The following BDP1 variants were observed in gnomAD, a reference collection of about 807,000 sequenced individuals.
BDP1 encodes the protein BDP1 general transcription factor IIIB subunit, also known as transcription factor TFIIIB component B'' homolog.
In BDP1, 169 loss-of-function variants were observed where a neutral mutation model predicts 266.6. The ratio of observed to expected loss-of-function variants is 0.63; its 90% CI spans 0.56 to 0.72. The LOEUF (loss-of-function observed/expected upper bound fraction) is 0.72, where lower values mean the gene tolerates loss of function less well. Ranked by LOEUF, BDP1 falls within the 30% of genes least tolerant of loss-of-function variation. The pLI is 0.00. For missense variants in BDP1, 3,015 were observed against 3,053.8 expected (o/e 0.99, Z 0.30); for synonymous variants, 1,090 against 1,022.4 (o/e 1.07, Z -1.26).
chr5:71,559,024 C>T (rs1743436319), intron 36 of BDP1, among the ~76,000 whole-genome samples: 1 of 150,006 alleles, frequency 6.7e-6, no homozygotes, highest in Non-Finnish European at 1.5e-5. Context: ...TGTGGTGGTG[C>T]ATGCCTGTAA....
intron 25 of BDP1, among the ~76,000 whole-genome samples, chr5:71,526,033 G>A (rs1231982390): frequency 1.3e-5 from 2 of 152,120 alleles, no homozygotes; most frequent in African/African-American, 4.8e-5. Context: ...TTCCCAGACG[G>A]GGTGGCGGCC....
intron 9 of BDP1, among the ~76,000 whole-genome samples, chr5:71,487,592 A>G (rs1226636414): frequency 6.6e-6 from 1 of 152,122 alleles, no homozygotes. Context: ...ATCGTAAGAC[A>G]CTTTTTCCTA....
Position 71,516,265 on chromosome 5 carries a change from A to C in BDP1, c.4854A>C (p.Leu1618Phe), listed in dbSNP as rs1182945833. 2 of 1,610,054 alleles carry C rather than the reference A, an allele frequency of 1.2e-6. No homozygotes were observed. Among genetic ancestry groups the C allele is most frequent in the South Asian group, 2.2e-5 (2 of 90,438 alleles). Reference protein sequence around the residue: ...LPKDETEKKVLTVSNSQIETE... With the variant: ...LPKDETEKKVFTVSNSQIETE... ...AAGATGAAACTGAAAAGAAAGTCTT[A>C]ACTGTGGTGAGTTATTGTTATGTAA... is the stretch of plus-strand genomic sequence containing the variant. The change falls in exon 21 of 39, where the codon TTA becomes TTC. Residue 1618 changes from leucine (L) to phenylalanine (F), a missense_variant. Physicochemically the swap from Leu to Phe is conservative, Grantham distance 22. Around this residue, in one of 3 missense-constraint regions of BDP1, gnomAD observed 2,383 missense variants for 2,404.9 expected, o/e 0.99. Coordinates refer to ENST00000358731, the MANE Select transcript of BDP1 (RefSeq NM_018429.3).
chr5:71,475,389 C>CA (rs752148462), intron 7 of BDP1, among the ~76,000 whole-genome samples: 120 of 152,218 alleles, frequency 7.9e-4, no homozygotes, highest in Non-Finnish European at 1.4e-3. Flanking sequence ...GGATTACAGG[C>CA]ATGAGCCACT....
rs1219359293 is a variant in BDP1 at position 71,556,902 on chromosome 5, TAAC to T, written c.7220_7222del (p.Thr2407del). ...TTAAAATAGGTGCACTCAAAGGAAT[TAAC>T]AAATGTTTTTGAGGAAACAGGTAAG... On this transcript the variant is annotated inframe_deletion, in exon 36 of 39. Transcript: ENST00000358731. The T allele has an allele frequency of 1.4e-6, 2 of 1,459,866 alleles. No homozygotes were observed. The highest frequency in any genetic ancestry group is 2.9e-5 in the African/African-American group (2 of 68,342). 90.4% of individuals were successfully genotyped at this position (1,459,866 alleles called of 1,614,324 possible). A position where few individuals can be genotyped will look rare whatever the true frequency, so the allele number is the denominator to read the frequency against.
intron 37 of BDP1, among the ~76,000 whole-genome samples, chr5:71,561,427 C>G (rs1029671878): frequency 6.6e-6 from 1 of 152,118 alleles, no homozygotes; most frequent in Admixed American, 6.5e-5. Flanking sequence ...AAAATAATAA[C>G]ATCATGAGAG....
At chr5:71,481,246 C>CT (rs375921654) in intron 7 of BDP1, among the ~76,000 whole-genome samples, 3,685 of 145,916 alleles carry the variant, frequency 0.025, 71 homozygotes, top group South Asian at 0.074. Flanking sequence ...TATGTTTTTT[C>CT]TTTTTTTTTT....
intron 2 of BDP1, among the ~76,000 whole-genome samples, 163 bp from the exon 3 acceptor site, chr5:71,461,654 G>A (rs991692673): frequency 5.9e-5 from 9 of 152,036 alleles, no homozygotes; most frequent in African/African-American, 2.2e-4. Context: ...TGAGGGTAAT[G>A]TGCTACAACT....
intron 36 of BDP1, among the ~76,000 whole-genome samples, chr5:71,557,600 G>C (rs572446556): frequency 1.6e-4 from 25 of 152,044 alleles, no homozygotes; most frequent in African/African-American, 5.5e-4. Context: ...TAGCCAGGAT[G>C]GTCTTGATCT....
intron 6 of BDP1, among the ~76,000 whole-genome samples, chr5:71,469,430 G>A (rs1449190464): frequency 6.6e-6 from 1 of 152,074 alleles, no homozygotes; most frequent in Non-Finnish European, 1.5e-5. Context: ...GTGAGCCACC[G>A]TGCGTGGCCT....
At chr5:71,482,696 A>G (rs1301990136) in intron 7 of BDP1, among the ~76,000 whole-genome samples, 1 of 152,238 alleles carries the variant, frequency 6.6e-6, no homozygotes, top group Non-Finnish European at 1.5e-5. Flanking sequence ...CCTGAAGCCT[A>G]TTGATATTTC....
At chr5:71,456,128 C>T in intron 1 of BDP1, 39 bp downstream of exon 1, 1 of 1,572,844 alleles carries the variant, frequency 6.4e-7, no homozygotes, top group East Asian at 2.2e-5. Flanking sequence ...ATTTGTCCCG[C>T]CTCTCCGGGC....
At chr5:71,513,508 T>A in intron 19 of BDP1, 101 bp downstream of exon 19, 1 of 747,682 alleles carries the variant, frequency 1.3e-6, no homozygotes, top group Non-Finnish European at 2.2e-6. Context: ...TACAAATATT[T>A]CTGTGTAATT....
chr5:71,541,411 T>A (rs1193866055), intron 28 of BDP1, 43 bp from the exon 29 acceptor site: 2 of 798,088 alleles, frequency 2.5e-6, no homozygotes, highest in Non-Finnish European at 3.8e-6. Flanking sequence ...TGAGCATCTA[T>A]AATTTGGTCC....
chr5:71,542,414 C>A, intron 30 of BDP1, 149 bp downstream of exon 30: 2 of 747,868 alleles, frequency 2.7e-6, no homozygotes, highest in Non-Finnish European at 4.3e-6. Flanking sequence ...AAAATAAATA[C>A]CCATAAATCT....
At chr5:71,519,596 T>C (rs1765395016) in intron 22 of BDP1, among the ~76,000 whole-genome samples, 1 of 152,252 alleles carries the variant, frequency 6.6e-6, no homozygotes, top group Admixed American at 6.5e-5. Context: ...TCACCTAACA[T>C]AATGACCTCT....
At chr5:71,519,914 A>T (rs1197800929) in intron 22 of BDP1, among the ~76,000 whole-genome samples, 2 of 152,122 alleles carry the variant, frequency 1.3e-5, no homozygotes, top group African/African-American at 2.4e-5. Context: ...TGGCATTCCT[A>T]CTTTATATTC....
chr5:71,482,820 A>G (rs1196261953), intron 7 of BDP1, among the ~76,000 whole-genome samples: 1 of 152,188 alleles, frequency 6.6e-6, no homozygotes, highest in Non-Finnish European at 1.5e-5. Context: ...CAGAAATAAG[A>G]TTATCTTTGA....
chr5:71,552,291 C>T (rs1203399924), intron 34 of BDP1, among the ~76,000 whole-genome samples: 1 of 151,360 alleles, frequency 6.6e-6, no homozygotes, highest in African/African-American at 2.4e-5. Flanking sequence ...TCCTCACTTC[C>T]TAGATGGGAT....
Sources: gnomAD v4.1 joint callset for allele counts (sites outside exome capture counted in the v4.1 genomes callset) on GRCh38, gnomAD v4.1.1 for gene constraint, gnomAD v4.1.1 regional missense constraint, MANE v1.5 for transcripts, NCBI Gene and HGNC (gene_info 2026-07-23, HGNC 2026-07-21) for gene names.